RALYL: variants seen among roughly 807,000 people sequenced by gnomAD.
RALYL encodes RALY RNA binding protein like, also known as RNA-binding Raly-like protein.
Under a neutral mutation model 35.1 loss-of-function variants are expected in RALYL, and 29 were observed. That is an observed-to-expected ratio of 0.83 (90% CI 0.61 to 1.13). The LOEUF (loss-of-function observed/expected upper bound fraction) is 1.13, where lower values mean the gene tolerates loss of function less well. RALYL is among the 50% of genes most tolerant of loss of function. The pLI, the probability that RALYL is intolerant of heterozygous loss-of-function variation, is 0.00. For missense variants in RALYL, 359 were observed against 360.4 expected, an observed-to-expected ratio of 1.00 and a Z score of 0.03; for synonymous variants, 120 against 127.6, an observed-to-expected ratio of 0.94 and a Z score of 0.40.
intron 3 of RALYL, among the ~76,000 whole-genome samples, chr8:84,793,424 A>G (rs1243341785): frequency 6.6e-6 from 1 of 152,246 alleles, no homozygotes; most frequent in African/African-American, 2.4e-5. Flanking sequence ...ATAATTCATC[A>G]TTGAACTTAG....
intron 2 of RALYL, among the ~76,000 whole-genome samples, chr8:84,691,108 T>C (rs1314492230): frequency 6.6e-6 from 1 of 152,068 alleles, no homozygotes; most frequent in African/African-American, 2.4e-5. Flanking sequence ...AATTTCCACA[T>C]GTCTGGCATT....
At chr8:84,358,937 G>T (rs1196408060) in intron 1 of RALYL, among the ~76,000 whole-genome samples, 4 of 152,074 alleles carry the variant, frequency 2.6e-5, no homozygotes, top group African/African-American at 7.2e-5. Flanking sequence ...AAATTGCTGA[G>T]TACTTTACGC....
At chr8:84,483,572 T>G (rs908933758) in intron 1 of RALYL, among the ~76,000 whole-genome samples, 2 of 152,132 alleles carry the variant, frequency 1.3e-5, no homozygotes, top group Non-Finnish European at 2.9e-5. Flanking sequence ...TAATGTACCT[T>G]TGTCCTTAAG....
chr8:84,184,708 C>A (rs887687000), intron 1 of RALYL, among the ~76,000 whole-genome samples: 2 of 152,054 alleles, frequency 1.3e-5, no homozygotes, highest in Middle Eastern at 3.4e-3. Context: ...GGGCGGGTGG[C>A]GTCTGCGCTG....
At chr8:84,274,531 C>T (rs1834972552) in intron 1 of RALYL, among the ~76,000 whole-genome samples, 1 of 151,976 alleles carries the variant, frequency 6.6e-6, no homozygotes, top group African/African-American at 2.4e-5. Context: ...AGTAGAAGCA[C>T]AAATTTTTGC....
chr8:84,451,473 A>G (rs894301933), intron 1 of RALYL, among the ~76,000 whole-genome samples: 15 of 151,888 alleles, frequency 9.9e-5, no homozygotes, highest in African/African-American at 3.6e-4. Context: ...TCATATATTT[A>G]TTTTCATTTA....
At chr8:84,680,040 C>G (rs976027671) in intron 2 of RALYL, among the ~76,000 whole-genome samples, 3 of 151,934 alleles carry the variant, frequency 2.0e-5, no homozygotes, top group Non-Finnish European at 2.9e-5. Context: ...TGTGATGTTC[C>G]CTTCCTGTGT....
At chr8:84,482,151 A>C (rs940189892) in intron 1 of RALYL, among the ~76,000 whole-genome samples, 1 of 152,048 alleles carries the variant, frequency 6.6e-6, no homozygotes, top group Non-Finnish European at 1.5e-5. Context: ...CAAAACCAGA[A>C]ATTTTTAAAA....
At chr8:84,647,283 T>C (rs1169088963) in intron 2 of RALYL, among the ~76,000 whole-genome samples, 1 of 152,058 alleles carries the variant, frequency 6.6e-6, no homozygotes, top group Non-Finnish European at 1.5e-5. Flanking sequence ...CATGATGGTC[T>C]TGAGGTGTAA....
intron 2 of RALYL, among the ~76,000 whole-genome samples, chr8:84,626,307 A>G (rs1203867551): frequency 6.6e-6 from 1 of 152,174 alleles, no homozygotes; most frequent in Non-Finnish European, 1.5e-5. Flanking sequence ...GCATTGTGCG[A>G]ATTCCGCCCA....
chr8:84,264,828 A>T (rs1586639656), intron 1 of RALYL, among the ~76,000 whole-genome samples: 1 of 152,270 alleles, frequency 6.6e-6, no homozygotes, highest in East Asian at 1.9e-4. Flanking sequence ...CTTTAACAAA[A>T]CCTCAGTATT....
intron 1 of RALYL, among the ~76,000 whole-genome samples, chr8:84,478,477 C>T (rs146345039): frequency 1.3e-5 from 2 of 152,156 alleles, no homozygotes; most frequent in Non-Finnish European, 1.5e-5. Flanking sequence ...GTTTTCTATA[C>T]TAATCACTTT....
In RALYL at chr8:84,351,643, C is replaced by T. The variant is rs1461873330; in HGVS notation, c.-24+167219C>T. On this transcript the variant is annotated intron_variant, in intron 1 of 8. Transcript: ENST00000521268. ...GTTAATTCGATTTTTTTTCTCTTGG[C>T]AGCTTCATTTTATTTGTCCTTGTTA... Among the ~76,000 whole-genome samples, 2 of 148,582 alleles carry T rather than the reference C, an allele frequency of 1.3e-5. 1 individual carries two copies. The highest frequency in any genetic ancestry group is 5.0e-5 in the African/African-American group (2 of 39,684).
intron 1 of RALYL, among the ~76,000 whole-genome samples, chr8:84,371,406 T>G (rs940678460): frequency 2.0e-5 from 3 of 152,024 alleles, no homozygotes; most frequent in Non-Finnish European, 4.4e-5. Flanking sequence ...AAAAACTACT[T>G]GGAACTTACT....
chr8:84,321,978 A>C (rs1321963357), intron 1 of RALYL, among the ~76,000 whole-genome samples: 1 of 152,064 alleles, frequency 6.6e-6, no homozygotes, highest in Non-Finnish European at 1.5e-5. Context: ...AGACCCAAAA[A>C]CCCTAAACAT....
chr8:84,621,637 T>A (rs971847380), intron 2 of RALYL, among the ~76,000 whole-genome samples: 1 of 152,198 alleles, frequency 6.6e-6, no homozygotes, highest in East Asian at 1.9e-4. Flanking sequence ...TATAGAACTT[T>A]CATACAGTAC....
At chr8:84,622,846 G>T (rs999445455) in intron 2 of RALYL, among the ~76,000 whole-genome samples, 8 of 152,122 alleles carry the variant, frequency 5.3e-5, no homozygotes, top group African/African-American at 1.9e-4. Flanking sequence ...AAGAATTGAC[G>T]AGTACACACC....
At chr8:84,425,540 G>A (rs965580235) in intron 1 of RALYL, among the ~76,000 whole-genome samples, 4 of 152,232 alleles carry the variant, frequency 2.6e-5, no homozygotes, top group African/African-American at 7.2e-5. Context: ...GCTGTAGACT[G>A]GAGCTGTTCC....
At chr8:84,371,570 CACAGAA>C (rs1586670157) in intron 1 of RALYL, among the ~76,000 whole-genome samples, 1 of 148,166 alleles carries the variant, frequency 6.7e-6, no homozygotes, top group Non-Finnish European at 1.5e-5. Flanking sequence ...CACACACACA[CACAGAA>C]AGAGAGAGAG....
Sources: gnomAD v4.1 joint callset for allele counts (sites outside exome capture counted in the v4.1 genomes callset) on GRCh38, gnomAD v4.1.1 for gene constraint, MANE v1.5 for transcripts, NCBI Gene and HGNC (gene_info 2026-07-23, HGNC 2026-07-21) for gene names.